GPR89A: variants seen among roughly 807,000 people sequenced by gnomAD.
GPR89A encodes golgi pH regulator A.
A neutral mutation model predicts 52.0 loss-of-function variants in GPR89A; 16 were observed. The observed-to-expected ratio is 0.31, with a 90% confidence interval of 0.21 to 0.47. The LOEUF is 0.47. GPR89A is among the 20% of genes least tolerant of loss of function. The probability of loss-of-function intolerance (pLI) is 1.00; values close to 1 mark genes in which losing one functional copy is unlikely to be tolerated. For synonymous variants in GPR89A, 55 were observed against 150.9 expected (o/e 0.36, Z 4.66); for missense variants, 135 against 449.4 (o/e 0.30, Z 6.33).
At chr1:145,613,063 G>A (rs1648415361) in intron 1 of GPR89A, among the ~76,000 whole-genome samples, 1 of 151,460 alleles carries the variant, frequency 6.6e-6, no homozygotes. Flanking sequence ...CAACTCATAG[G>A]TATATCTTAG....
rs1553685271 is a variant in GPR89A, at chr1:145,608,138, G to C, written c.5G>C (p.Ser2Thr). The C allele has an allele frequency of 1.9e-6, 3 of 1,613,548 alleles. No individual in the cohort carries two copies. The highest frequency in any genetic ancestry group is 3.3e-5 in the Admixed American group (2 of 60,022). The stretch of plus-strand genomic sequence containing the variant: ...GAGCCTTCCTTACACTTCGCCATGA[G>C]TTTCCTCATCGACTCCAGCATCATG... The part of the protein sequence containing the change: M[S>T]FLIDSSIMIT... Residue 2 changes from serine to threonine, a missense_variant, in exon 1 of 14, where the codon AGT (serine) becomes ACT (threonine). Around this residue, in one of 10 missense-constraint regions of GPR89A, gnomAD observed 38 missense variants for 40.2 expected, o/e 0.95. Transcript: ENST00000313835.
At chr1:145,617,221 G>GA (rs1262289473) in intron 2 of GPR89A, among the ~76,000 whole-genome samples, 2 of 152,100 alleles carry the variant, frequency 1.3e-5, no homozygotes, top group African/African-American at 4.8e-5. Context: ...TTCCTTGCTG[G>GA]AAAAAGAATT....
intron 9 of GPR89A, 89 bp downstream of exon 9, chr1:145,646,361 C>T (rs1456968708): frequency 1.0e-6 from 1 of 994,218 alleles, no homozygotes; most frequent in Non-Finnish European, 1.5e-6. Context: ...TCTCTGTGGC[C>T]AAGCAAGAGA....
intron 10 of GPR89A, among the ~76,000 whole-genome samples, chr1:145,647,577 G>C (rs1469042869): frequency 6.6e-6 from 1 of 151,704 alleles, no homozygotes; most frequent in Middle Eastern, 3.4e-3. Context: ...GCCAAGGCAG[G>C]CATATCACCT....
intron 7 of GPR89A, among the ~76,000 whole-genome samples, chr1:145,641,727 A>G (rs1175803164): frequency 5.3e-5 from 8 of 152,080 alleles, no homozygotes; most frequent in African/African-American, 1.7e-4. Context: ...GAACTTTTAA[A>G]TGACATTGGG....
At chr1:145,620,764 A>G (rs1649084073) in intron 3 of GPR89A, among the ~76,000 whole-genome samples, 1 of 151,966 alleles carries the variant, frequency 6.6e-6, no homozygotes, top group Non-Finnish European at 1.5e-5. Flanking sequence ...CTTTGAGCAG[A>G]GATCATATGA....
At chr1:145,653,791 CT>C (rs1335608177) in intron 10 of GPR89A, among the ~76,000 whole-genome samples, 270 of 136,628 alleles carry the variant, frequency 2.0e-3, no homozygotes, top group Middle Eastern at 6.9e-3. Flanking sequence ...GCAACCCCTG[CT>C]TTTTTTTGCT....
At chr1:145,647,871 CTCTCTCTCTATATATA>C (rs1651148208) in intron 10 of GPR89A, among the ~76,000 whole-genome samples, 17 of 88,432 alleles carry the variant, frequency 1.9e-4, no homozygotes, top group Non-Finnish European at 2.4e-4. Context: ...CTCTCTCTCT[CTCTCTCTCTATATATA>C]TATATATATA....
In GPR89A at chr1:145,608,158, A is replaced by C; in HGVS notation, c.25A>C (p.Ile9Leu). 6.2e-7 allele frequency: 1 copy of C among 1,613,756 alleles called. No individual in the cohort carries two copies. The highest frequency in any genetic ancestry group is 8.5e-7 in the Non-Finnish European group (1 of 1,179,842). Residue 9 changes from isoleucine (I) to leucine (L), a missense_variant, in exon 1 of 14, where the codon ATC (isoleucine) becomes CTC (leucine). By Grantham distance (5) the Ile-to-Leu change is conservative. This residue lies in a region of GPR89A where 38 missense variants were observed against 40.2 expected (regional missense o/e 0.95). Transcript: ENST00000313835. The part of the protein sequence containing the change: MSFLIDSS[I>L]MITSQILFFG... Reference sequence around the variant, plus strand: ...CATGAGTTTCCTCATCGACTCCAGCATCATGATTACCTCCCAGGTGAGTCA... The same window carrying C: ...CATGAGTTTCCTCATCGACTCCAGCCTCATGATTACCTCCCAGGTGAGTCA...
intron 10 of GPR89A, among the ~76,000 whole-genome samples, chr1:145,662,389 A>G (rs1171133215): frequency 6.6e-6 from 1 of 151,988 alleles, no homozygotes; most frequent in Non-Finnish European, 1.5e-5. Context: ...ACTTTGTCCG[A>G]CATTAATATA....
At chr1:145,619,604 A>G (rs587683786) in intron 3 of GPR89A, among the ~76,000 whole-genome samples, 1 of 152,280 alleles carries the variant, frequency 6.6e-6, no homozygotes, top group African/African-American at 2.4e-5. Context: ...CTCTTAAAAA[A>G]AAGAGTGAGA....
At chr1:145,639,970 C>A (rs587633061) in intron 7 of GPR89A, among the ~76,000 whole-genome samples, 1 of 152,254 alleles carries the variant, frequency 6.6e-6, no homozygotes, top group Non-Finnish European at 1.5e-5. Flanking sequence ...GTAATCCCAG[C>A]ACTTTGGGAA....
chr1:145,619,790 C>T (rs1389977767), intron 3 of GPR89A, among the ~76,000 whole-genome samples: 10 of 152,150 alleles, frequency 6.6e-5, no homozygotes, highest in Non-Finnish European at 1.2e-4. Context: ...CCAAGGCAGG[C>T]GGATCACGAG....
intron 1 of GPR89A, among the ~76,000 whole-genome samples, chr1:145,613,065 A>G (rs587641852): frequency 4.7e-4 from 72 of 151,722 alleles, no homozygotes; most frequent in South Asian, 1.0e-3. Flanking sequence ...ACTCATAGGT[A>G]TATCTTAGAC....
chr1:145,636,932 T>G (rs587628122), intron 7 of GPR89A, among the ~76,000 whole-genome samples: 14 of 152,142 alleles, frequency 9.2e-5, no homozygotes, highest in South Asian at 2.1e-4. Context: ...ACTGAACATT[T>G]AAAGGGGAAA....
intron 5 of GPR89A, among the ~76,000 whole-genome samples, chr1:145,626,276 T>C (rs1480744847): frequency 1.3e-5 from 2 of 151,722 alleles, no homozygotes; most frequent in Non-Finnish European, 2.9e-5. Flanking sequence ...CTCTGACACC[T>C]TTCTCCAGCT....
chr1:145,629,569 A>G (rs1649757803), intron 5 of GPR89A, among the ~76,000 whole-genome samples: 1 of 152,208 alleles, frequency 6.6e-6, no homozygotes, highest in African/African-American at 2.4e-5. Flanking sequence ...TAATGGCTCC[A>G]AAATCAGTAC....
intron 8 of GPR89A, chr1:145,645,478 T>A: frequency 2.4e-6 from 1 of 412,344 alleles, no homozygotes; most frequent in South Asian, 1.8e-5. Context: ...TTATTTAACC[T>A]CCCTGAGCCC....
At chr1:145,641,698 A>C (rs1285222776) in intron 7 of GPR89A, among the ~76,000 whole-genome samples, 8 of 152,256 alleles carry the variant, frequency 5.3e-5, no homozygotes, top group Admixed American at 4.6e-4. Flanking sequence ...AGCCAAGTGC[A>C]TATGTTTTTC....
Sources: allele counts gnomAD v4.1 joint callset (sites outside exome capture counted in the v4.1 genomes callset), GRCh38; gene constraint gnomAD v4.1.1; regional missense constraint gnomAD v4.1.1; transcripts MANE v1.5; gene names NCBI Gene and HGNC (gene_info 2026-07-23, HGNC 2026-07-21).